ABCC5: variants seen among roughly 807,000 people sequenced by gnomAD.
ABCC5 encodes the protein ATP binding cassette subfamily C member 5, also known as ATP-binding cassette sub-family C member 5.
In ABCC5, 61 loss-of-function variants were observed where a neutral mutation model predicts 160.9. That is an observed-to-expected ratio of 0.38 (90% CI 0.31 to 0.47). The LOEUF (loss-of-function observed/expected upper bound fraction) is 0.47. ABCC5 is among the 20% of genes least tolerant of loss of function. The probability of loss-of-function intolerance (pLI) is 0.99; values close to 1 mark genes in which losing one functional copy is unlikely to be tolerated. For synonymous variants in ABCC5, 666 were observed against 700.6 expected, an observed-to-expected ratio of 0.95 and a Z score of 0.78; for missense variants, 1,308 against 1,813.3, an observed-to-expected ratio of 0.72 and a Z score of 5.06.
At chr3:183,998,140 T>C (rs1420190332) in intron 2 of ABCC5, among the ~76,000 whole-genome samples, 2 of 152,082 alleles carry the variant, frequency 1.3e-5, no homozygotes, top group Admixed American at 1.3e-4. Context: ...TTTTTCTCCT[T>C]CTAGATTATT....
rs185949231 is a variant in ABCC5, at chr3:183,965,511, G to A, written c.1834-10C>T. ...CCTCTAGAAGCGTCATCTAGGGAGA[G>A]AGACACCATCCAATGGCATCATAAC... On this transcript the variant is annotated splice_polypyrimidine_tract_variant and intron_variant, in intron 12 of 29. Coordinates refer to ENST00000334444, the MANE Select transcript of ABCC5 (RefSeq NM_005688.4). The A allele has an allele frequency of 1.3e-3, 2,077 of 1,613,580 alleles. 4 individuals carry two copies. The highest frequency in any genetic ancestry group is 1.8e-3 in the Admixed American group (109 of 60,012).
Position 183,963,573 on chromosome 3 carries a change from C to T in ABCC5, c.2047G>A (p.Ala683Thr), listed in dbSNP as rs1716965445. The T allele has an allele frequency of 1.9e-6, 3 of 1,613,816 alleles. No homozygotes were observed. The highest frequency in any genetic ancestry group is 1.7e-6 in the Non-Finnish European group (2 of 1,180,044). The change falls in exon 15 of 30, where the codon GCC (alanine) becomes ACC (threonine). Residue 683 changes from alanine to threonine, a missense_variant. By Grantham distance (58) the Ala-to-Thr change is moderately conservative (BLOSUM62 0). This residue lies in a region of ABCC5 where 1,142 missense variants were observed against 1,527.1 expected (regional missense o/e 0.75). Transcript: ENST00000334444. This position sits in a 1 kb window ranked among gnomAD's most constrained non-coding sequence, Gnocchi z 4.6. Reference sequence around the variant, plus strand: ...TGGCGCTGCCCACCGCTCAGGTTGGCTCCTCGCTCTCCAATCTACAAGAGC... The same window carrying T: ...TGGCGCTGCCCACCGCTCAGGTTGGTTCCTCGCTCTCCAATCTACAAGAGC... ...SDLTEIGERG[A>T]NLSGGQRQRI...
intron 2 of ABCC5, among the ~76,000 whole-genome samples, chr3:184,004,228 A>T (rs1256970899): frequency 7.1e-6 from 1 of 140,178 alleles, no homozygotes; most frequent in Non-Finnish European, 1.6e-5. Context: ...AAAAAAAAAA[A>T]GGCCAGGTAC....
In ABCC5 at chr3:183,950,117, G is replaced by A. The variant is rs1355035229; in HGVS notation, c.2953C>T (p.Arg985Trp). 5.0e-6 allele frequency: 8 copies of A among 1,612,214 alleles called. No individual in the cohort carries two copies. The highest frequency in any genetic ancestry group is 2.2e-5 in the East Asian group (1 of 44,880). Reference sequence around the variant, plus strand: ...AACATCTCGGCCTGGAACGGCAGCCGCACGTCAACTGTGGAAACAAATAAA... The same window carrying A: ...AACATCTCGGCCTGGAACGGCAGCCACACGTCAACTGTGGAAACAAATAAA... ...FSKDMDEVDV[R>W]LPFQAEMFIQ... Residue 985 changes from arginine (R) to tryptophan (W), a missense_variant, in exon 21 of 30, where the codon CGG becomes TGG. Transcript: ENST00000334444.
Position 183,950,047 on chromosome 3 carries a change from G to A in ABCC5, c.3023C>T (p.Ala1008Val). The A allele has an allele frequency of 6.2e-7, 1 of 1,614,148 alleles. No individual in the cohort carries two copies. Among genetic ancestry groups the A allele is most frequent in the Non-Finnish European group, 8.5e-7 (1 of 1,180,036 alleles). The change falls in exon 21 of 30, where the codon GCA becomes GTA. Residue 1008 changes from alanine to valine, a missense_variant. This residue lies in a region of ABCC5 where 1,142 missense variants were observed against 1,527.1 expected (regional missense o/e 0.75). Coordinates refer to ENST00000334444, the MANE Select transcript of ABCC5 (RefSeq NM_005688.4). ...ILVFFCVGMI[A>V]GVFPWFLVAV... ...CACAAGGAACCACGGGAAGACTCCT[G>A]CGATCATTCCCACACAGAAGAACAC...
In ABCC5 at chr3:183,994,142, T is replaced by C. The variant is rs566171613; in HGVS notation, c.130-4759A>G. Reference sequence around the variant, plus strand: ...CCAACCCGTCTAATTTTTGTATTTTTAGTAGAGATGCCATTTTGCCCAGGC... The same window carrying C: ...CCAACCCGTCTAATTTTTGTATTTTCAGTAGAGATGCCATTTTGCCCAGGC... On this transcript the variant is annotated intron_variant, in intron 2 of 29. Transcript: ENST00000334444. 5.9e-5 allele frequency among the ~76,000 whole-genome samples: 9 copies of C among 152,134 alleles called. No homozygotes were observed. The East Asian group carries it at 1.5e-3, about 26-fold the overall frequency.
chr3:183,972,076 G>A (rs1560021191), intron 10 of ABCC5, 157 bp from the exon 11 acceptor site: 1 of 1,483,666 alleles, frequency 6.7e-7, no homozygotes, highest in Non-Finnish European at 9.1e-7. Context: ...CCCAATCTCA[G>A]GCCCATCAAG....
intron 17 of ABCC5, 108 bp from the exon 18 acceptor site, chr3:183,953,378 C>G: frequency 2.2e-6 from 2 of 929,018 alleles, no homozygotes; most frequent in East Asian, 2.6e-5. Flanking sequence ...TCACAGGGGT[C>G]TAGATTAGAT....
At chr3:183,996,154 G>T (rs1362416886) in intron 2 of ABCC5, among the ~76,000 whole-genome samples, 2 of 152,272 alleles carry the variant, frequency 1.3e-5, no homozygotes, top group Middle Eastern at 3.4e-3. Context: ...ATCAGAAGAG[G>T]AAAACTTGGC....
chr3:183,985,154 G>A, intron 5 of ABCC5: 1 of 762,678 alleles, frequency 1.3e-6, no homozygotes, highest in Non-Finnish European at 2.1e-6. Context: ...AAAGAAAAAA[G>A]AGGTTTTCAT....
intron 8 of ABCC5, among the ~76,000 whole-genome samples, chr3:183,979,946 G>C (rs531816556): frequency 1.3e-5 from 2 of 152,140 alleles, no homozygotes; most frequent in African/African-American, 4.8e-5. Context: ...TGTGATCTCA[G>C]CTCACTGCAA....
At chr3:183,952,649 G>A (rs1212893469) in intron 18 of ABCC5, among the ~76,000 whole-genome samples, 5 of 152,232 alleles carry the variant, frequency 3.3e-5, no homozygotes, top group South Asian at 2.1e-4. Context: ...ATGTCCTCCC[G>A]CACACGCTGT....
chr3:183,958,457 G>T (rs190947658), intron 17 of ABCC5, among the ~76,000 whole-genome samples: 51 of 152,268 alleles, frequency 3.3e-4, no homozygotes, highest in Non-Finnish European at 4.4e-5. Flanking sequence ...TACTGCCCGT[G>T]GTAAGAACTA....
intron 12 of ABCC5, 154 bp downstream of exon 12, chr3:183,967,541 C>G (rs929489387): frequency 1.5e-6 from 1 of 685,956 alleles, no homozygotes; most frequent in Non-Finnish European, 2.6e-6. Context: ...AGGGGGAGAA[C>G]TGGGGGGAAC....
chr3:184,014,284 T>TG lies in ABCC5; in HGVS notation c.108dup (p.Lys37GlnfsTer26). On this transcript the variant is annotated frameshift_variant, in exon 2 of 30. Transcript: ENST00000334444. LOFTEE classifies it high-confidence loss of function. Reference sequence around the variant, plus strand: ...CTGACCGGTCGAGTTCTCCTGAACTTGGAATCTTCACGGTCTCTGTGCGTC... The same window carrying TG: ...CTGACCGGTCGAGTTCTCCTGAACTTGGGAATCTTCACGGTCTCTGTGCGTC... 1 of 1,613,976 alleles carries TG rather than the reference T, an allele frequency of 6.2e-7. No homozygotes were observed. Among genetic ancestry groups the TG allele is most frequent in the South Asian group, 1.1e-5 (1 of 91,060 alleles).
rs1053351 is a variant in ABCC5, at chr3:183,942,815, G to A, written c.3606C>T (p.Tyr1202=). 2.5e-6 allele frequency: 4 copies of A among 1,613,984 alleles called. No individual in the cohort carries two copies. The highest frequency in any genetic ancestry group is 3.4e-6 in the Non-Finnish European group (4 of 1,180,018). The change falls in exon 25 of 30, where the codon TAC becomes TAT. Residue 1202 remains tyrosine, a synonymous_variant. Transcript: ENST00000334444. ...EVTFENAEMR[Y]RENLPLVLKK... is the part of the protein sequence containing the mutation. ...TTAGGACGAGAGGGAGGTTTTCTCG[G>A]TACCTCATCTCTGCGTTCTCAAAGG...
At chr3:183,923,297 C>A (rs980222565) in intron 29 of ABCC5, among the ~76,000 whole-genome samples, 1 of 151,974 alleles carries the variant, frequency 6.6e-6, no homozygotes, top group Admixed American at 6.6e-5. Context: ...AGCCACCCAT[C>A]GAAAGAAAGG....
At chr3:183,990,602 C>T (rs962488188) in intron 2 of ABCC5, among the ~76,000 whole-genome samples, 13 of 152,304 alleles carry the variant, frequency 8.5e-5, no homozygotes, top group Admixed American at 7.2e-4. Flanking sequence ...TGGATGTACA[C>T]GTGCCTCCCC....
intron 26 of ABCC5, among the ~76,000 whole-genome samples, chr3:183,937,113 G>A (rs944616271): frequency 9.9e-5 from 15 of 151,994 alleles, no homozygotes; most frequent in Non-Finnish European, 1.0e-4. Flanking sequence ...GCAGTGGCTC[G>A]CGCCTGTAAT....
Sources: allele counts gnomAD v4.1 joint callset (sites outside exome capture counted in the v4.1 genomes callset), GRCh38; gene constraint gnomAD v4.1.1; regional missense constraint gnomAD v4.1.1; non-coding constraint Gnocchi (gnomAD v3.1); transcripts MANE v1.5; gene names NCBI Gene and HGNC (gene_info 2026-07-23, HGNC 2026-07-21).